The following ZNF839 variants were observed in gnomAD, a reference collection of about 807,000 sequenced individuals.
ZNF839 encodes the protein renal carcinoma antigen NY-REN-50.
In ZNF839, 38 loss-of-function variants were observed where a neutral mutation model predicts 56.4. That is an observed-to-expected ratio of 0.67 (90% CI 0.52 to 0.88). The LOEUF is 0.88. Ranked by LOEUF, ZNF839 falls within the 40% of genes least tolerant of loss-of-function variation. ZNF839 has a pLI of 0.00. For missense variants in ZNF839, 1,091 were observed against 1,177.6 expected (o/e 0.93, Z 1.08); for synonymous variants, 486 against 493.5 (o/e 0.98, Z 0.20).
At chr14:102,329,789 C>CT (rs35781672) in intron 2 of ZNF839, among the ~76,000 whole-genome samples, 1,973 of 101,996 alleles carry the variant, frequency 0.019, 42 homozygotes, top group Non-Finnish European at 0.028. Flanking sequence ...TAGAGATAAC[C>CT]TTTTTTTTTT....
At chr14:102,336,969 A>G (rs1161842942) in intron 5 of ZNF839, 1 of 170,438 alleles carries the variant, frequency 5.9e-6, no homozygotes, top group Admixed American at 6.4e-5. Context: ...CCAGGGCTCA[A>G]CTGATCCTCC....
intron 2 of ZNF839, among the ~76,000 whole-genome samples, chr14:102,329,714 T>A (rs2073672604): frequency 1.3e-5 from 2 of 149,464 alleles, no homozygotes; most frequent in South Asian, 4.2e-4. Context: ...TTTGTGTGTG[T>A]GTGTGTGTGT....
chr14:102,338,596 A>C (rs1886126428), intron 5 of ZNF839, among the ~76,000 whole-genome samples: 1 of 151,634 alleles, frequency 6.6e-6, no homozygotes, highest in African/African-American at 2.4e-5. Flanking sequence ...TTGTGCTCAC[A>C]TAGAACCTTC....
Position 102,326,833 on chromosome 14 carries a change from T to C in ZNF839, c.1137T>C (p.Cys379=), listed in dbSNP as rs1248699180. The C allele has an allele frequency of 3.1e-6, 5 of 1,610,448 alleles. No individual in the cohort carries two copies. The East Asian group carries it at 8.9e-5, about 29-fold the overall frequency. Residue 379 remains cysteine (C), a synonymous_variant, in exon 2 of 8, where the codon TGT becomes TGC. Transcript: ENST00000442396. This position sits in a 1 kb window ranked among gnomAD's most constrained non-coding sequence, Gnocchi z 4.3. ...SLGLSMPADP[C]EGGARSCLVT... is the part of the protein sequence containing the mutation. ...GGCTGTCCATGCCAGCGGATCCATGTGAGGGAGGGGCCCGCTCCTGCTTGG... is the reference window on the plus strand; with the variant it reads ...GGCTGTCCATGCCAGCGGATCCATGCGAGGGAGGGGCCCGCTCCTGCTTGG...
At chr14:102,341,160 C>T (rs930183309) in intron 7 of ZNF839, 163 bp from the exon 8 acceptor site, 4 of 619,530 alleles carry the variant, frequency 6.5e-6, no homozygotes, top group African/African-American at 1.9e-5. Context: ...AGAATAGGGA[C>T]GTATTTTTTA....
chr14:102,335,655 T>C, intron 4 of ZNF839, 34 bp from the exon 5 acceptor site: 3 of 1,558,254 alleles, frequency 1.9e-6, no homozygotes, highest in Non-Finnish European at 1.7e-6. Context: ...TGCCTTGAGT[T>C]TAAACTTTTT....
intron 3 of ZNF839, among the ~76,000 whole-genome samples, chr14:102,333,486 C>T (rs1252728235): frequency 1.3e-5 from 2 of 152,074 alleles, no homozygotes; most frequent in Non-Finnish European, 1.5e-5. Flanking sequence ...TGGTCTCGAA[C>T]TCCTACCCTG....
chr14:102,341,418 G>A lies in ZNF839; in HGVS notation c.2023G>A (p.Gly675Ser). Residue 675 changes from glycine (G) to serine (S), a missense_variant, in exon 8 of 8, where the codon GGC (glycine) becomes AGC (serine). Around this residue, in one of 3 missense-constraint regions of ZNF839, gnomAD observed 431 missense variants for 468.0 expected, o/e 0.92. Transcript: ENST00000442396. The part of the protein sequence containing the change: ...SGGNGSVFQA[G>S]PQLQALANLE... ...TGGCAATGGGAGCGTGTTCCAGGCG[G>A]GCCCGCAGCTTCAGGCACTGGCTAA... 6.3e-7 allele frequency: 1 copy of A among 1,588,356 alleles called. No individual in the cohort carries two copies. Among genetic ancestry groups the A allele is most frequent in the Admixed American group, 1.8e-5 (1 of 55,430 alleles).
chr14:102,338,869 A>T lies in ZNF839; in HGVS notation c.1713A>T (p.Pro571=), dbSNP rs765341129. The T allele has an allele frequency of 1.9e-6, 3 of 1,613,984 alleles. No individual in the cohort carries two copies. The highest frequency in any genetic ancestry group is 1.7e-6 in the Non-Finnish European group (2 of 1,179,876). The part of the protein sequence containing the change: ...TEFLRKKEIH[P]DNLGPKHLSR... The stretch of plus-strand genomic sequence containing the variant: ...TCCTACGGAAGAAAGAAATACACCC[A>T]GACAACCTTGGACCCAAGCACCTCA... Residue 571 remains proline (P), a synonymous_variant, in exon 6 of 8, where the codon CCA becomes CCT. Coordinates refer to ENST00000442396, the MANE Select transcript of ZNF839 (RefSeq NM_018335.6).
intron 2 of ZNF839, among the ~76,000 whole-genome samples, chr14:102,328,374 AAATATATATATATATATATATATATAT>A (rs2073558464): frequency 5.8e-5 from 2 of 34,606 alleles, no homozygotes; most frequent in Non-Finnish European, 1.0e-4. Context: ...AAAAAAAAAA[AAATATATATATATATATATATATATAT>A]ATATATATAT....
In ZNF839 at chr14:102,338,936, G is replaced by A. The variant is rs374849816; in HGVS notation, c.1780G>A (p.Glu594Lys). Reference sequence around the variant, plus strand: ...GGAGCAGCTAGAGGGAGCTAGCAGCGAGAAGAGGGAACGTGAGGTGGGCAT... The same window carrying A: ...GGAGCAGCTAGAGGGAGCTAGCAGCAAGAAGAGGGAACGTGAGGTGGGCAT... ...DGEQLEGASS[E>K]KREREAAEEG... The change falls in exon 6 of 8, where the codon GAG becomes AAG. Residue 594 changes from glutamate (E) to lysine (K), a missense_variant. Around this residue, in one of 3 missense-constraint regions of ZNF839, gnomAD observed 431 missense variants for 468.0 expected, o/e 0.92. Transcript: ENST00000442396. 63 of 1,613,898 alleles carry A rather than the reference G, an allele frequency of 3.9e-5. No individual in the cohort carries two copies. In the Middle Eastern group the frequency reaches 6.6e-4, roughly 17 times the overall value.
intron 5 of ZNF839, among the ~76,000 whole-genome samples, chr14:102,338,403 T>G (rs957818874): frequency 1.7e-4 from 26 of 151,862 alleles, no homozygotes; most frequent in Non-Finnish European, 4.4e-5. Flanking sequence ...CCAGGCATGG[T>G]GGTGCATGCC....
chr14:102,331,386 C>T (rs2073771433), intron 2 of ZNF839: 2 of 423,864 alleles, frequency 4.7e-6, no homozygotes, highest in South Asian at 2.5e-5. Context: ...GTAGCCAGGA[C>T]TACAGGCGCG....
chr14:102,333,034 A>G (rs2073857747), intron 3 of ZNF839, among the ~76,000 whole-genome samples: 1 of 152,220 alleles, frequency 6.6e-6, no homozygotes. Context: ...ATGGCAAGGT[A>G]ATATCCCATA....
intron 2 of ZNF839, among the ~76,000 whole-genome samples, chr14:102,327,118 A>G (rs1036283543): frequency 4.0e-5 from 6 of 151,876 alleles, no homozygotes; most frequent in African/African-American, 1.5e-4. Flanking sequence ...CAGCAGGAAC[A>G]AGGGGCAGGG....
intron 1 of ZNF839, among the ~76,000 whole-genome samples, chr14:102,323,783 G>T (rs564084570): frequency 6.6e-6 from 1 of 152,292 alleles, no homozygotes; most frequent in East Asian, 1.9e-4. Context: ...CACATACATC[G>T]TGAAGATTCA....
rs1318524432 is a variant in ZNF839 at position 102,339,196 on chromosome 14, C to T, written c.1900C>T (p.Pro634Ser). The change falls in exon 7 of 8, where the codon CCC becomes TCC. Residue 634 changes from proline to serine, a missense_variant. This residue lies in a region of ZNF839 where 431 missense variants were observed against 468.0 expected (regional missense o/e 0.92). Transcript: ENST00000442396. ...LAANSRGREKPRPLHALAAGF... is the reference protein window; with the variant it reads ...LAANSRGREKSRPLHALAAGF... ...TGCCAACAGCAGAGGCCGGGAGAAG[C>T]CCAGGCCCTTGCATGCTTTGGCCGC... 2 of 1,611,958 alleles carry T rather than the reference C, an allele frequency of 1.2e-6. No individual in the cohort carries two copies. The highest frequency in any genetic ancestry group is 1.7e-6 in the Non-Finnish European group (2 of 1,179,008).
chr14:102,334,516 C>G, intron 3 of ZNF839, 38 bp from the exon 4 acceptor site: 5 of 1,469,726 alleles, frequency 3.4e-6, no homozygotes, highest in Non-Finnish European at 4.7e-6. Context: ...GAAATTCTTA[C>G]GGGACATTCA....
intron 5 of ZNF839, chr14:102,336,787 G>A: frequency 3.4e-6 from 1 of 291,368 alleles, no homozygotes; most frequent in Non-Finnish European, 6.7e-6. Flanking sequence ...AGACTGGAGT[G>A]CAGTGGCACA....
Sources: allele counts gnomAD v4.1 joint callset (sites outside exome capture counted in the v4.1 genomes callset), GRCh38; gene constraint gnomAD v4.1.1; regional missense constraint gnomAD v4.1.1; non-coding constraint Gnocchi (gnomAD v3.1); transcripts MANE v1.5; gene names NCBI Gene and HGNC (gene_info 2026-07-23, HGNC 2026-07-21).